ARHGEF38: variants seen among roughly 807,000 people sequenced by gnomAD.
ARHGEF38 encodes Rho guanine nucleotide exchange factor 38.
In ARHGEF38, 79 loss-of-function variants were observed where a neutral mutation model predicts 79.9. The ratio of observed to expected loss-of-function variants is 0.99; its 90% CI spans 0.82 to 1.19. The LOEUF (loss-of-function observed/expected upper bound fraction) is 1.19, where lower values mean the gene tolerates loss of function less well. ARHGEF38 is among the 50% of genes most tolerant of loss of function. The probability of loss-of-function intolerance (pLI) is 0.00; values close to 1 mark genes in which losing one functional copy is unlikely to be tolerated. For missense variants in ARHGEF38, 962 were observed against 907.2 expected, an observed-to-expected ratio of 1.06 and a Z score of -0.78; for synonymous variants, 366 against 328.3, an observed-to-expected ratio of 1.11 and a Z score of -1.24.
intron 1 of ARHGEF38, among the ~76,000 whole-genome samples, chr4:105,559,340 G>A (rs1346706485): frequency 6.6e-6 from 1 of 152,094 alleles, no homozygotes; most frequent in East Asian, 1.9e-4. Context: ...ATGCTCTCAA[G>A]GGCAGACTGT....
chr4:105,621,930 G>A (rs1054837319), intron 3 of ARHGEF38, among the ~76,000 whole-genome samples: 4 of 152,108 alleles, frequency 2.6e-5, no homozygotes, highest in African/African-American at 7.2e-5. Flanking sequence ...TAGGAAAGCT[G>A]TCCGCTTTGG....
chr4:105,581,643 G>A (rs953035330), intron 1 of ARHGEF38, among the ~76,000 whole-genome samples: 3 of 152,026 alleles, frequency 2.0e-5, no homozygotes, highest in South Asian at 2.1e-4. Flanking sequence ...TTTATTTTAA[G>A]ATTCTGTATT....
chr4:105,606,808 C>CA (rs1031902359), intron 2 of ARHGEF38, among the ~76,000 whole-genome samples: 23 of 152,070 alleles, frequency 1.5e-4, no homozygotes, highest in African/African-American at 5.6e-4. Context: ...GATGTACACA[C>CA]AGACACACAG....
chr4:105,648,811 CT>C, intron 7 of ARHGEF38, 129 bp downstream of exon 7: 1 of 827,012 alleles, frequency 1.2e-6, no homozygotes, highest in Non-Finnish European at 1.7e-6. Flanking sequence ...ATGCTGTTCT[CT>C]TGTCTCCCTC....
At chr4:105,581,840 T>C (rs1227911727) in intron 1 of ARHGEF38, among the ~76,000 whole-genome samples, 1 of 152,150 alleles carries the variant, frequency 6.6e-6, no homozygotes, top group Non-Finnish European at 1.5e-5. Context: ...TGGTATCGTG[T>C]TTCCGTGTGT....
intron 7 of ARHGEF38, among the ~76,000 whole-genome samples, chr4:105,650,756 C>T (rs1030457747): frequency 3.4e-4 from 52 of 152,168 alleles, no homozygotes; most frequent in African/African-American, 1.2e-3. Context: ...GAACACAAGG[C>T]TTGAATTATT....
intron 9 of ARHGEF38, 57 bp from the exon 10 acceptor site, chr4:105,658,997 T>C: frequency 1.4e-6 from 2 of 1,420,688 alleles, no homozygotes; most frequent in Non-Finnish European, 1.9e-6. Flanking sequence ...ATAGCAGAAC[T>C]GGACAAGGTA....
rs1362490560 is a variant in ARHGEF38 at position 105,552,747 on chromosome 4, A to G, written c.-19A>G. On this transcript the variant is annotated 5_prime_UTR_variant, in exon 1 of 14. Coordinates refer to ENST00000420470, the MANE Select transcript of ARHGEF38 (RefSeq NM_001242729.2). Reference sequence around the variant, plus strand: ...ATCAGCCATTGCCTGCAAGCCTCCAAAGCTTGTCTTTGCCTAATATGGAGC... The same window carrying G: ...ATCAGCCATTGCCTGCAAGCCTCCAGAGCTTGTCTTTGCCTAATATGGAGC... 1.3e-6 allele frequency: 2 copies of G among 1,593,894 alleles called. No individual in the cohort carries two copies. The highest frequency in any genetic ancestry group is 1.7e-6 in the Non-Finnish European group (2 of 1,171,500).
intron 5 of ARHGEF38, among the ~76,000 whole-genome samples, chr4:105,643,865 C>T (rs937830465): frequency 1.4e-5 from 2 of 147,144 alleles, no homozygotes; most frequent in African/African-American, 2.5e-5. Context: ...TCTAAGATGC[C>T]TTCCTACTTT....
chr4:105,569,996 C>T (rs1726140459), intron 1 of ARHGEF38: 1 of 152,178 alleles, frequency 6.6e-6, no homozygotes, highest in African/African-American at 2.4e-5. Flanking sequence ...CCCTGTCCAG[C>T]AAAATTCCAC....
intron 1 of ARHGEF38, among the ~76,000 whole-genome samples, chr4:105,560,978 C>T (rs1044607030): frequency 6.6e-6 from 1 of 152,152 alleles, no homozygotes; most frequent in South Asian, 2.1e-4. Context: ...AATAAAAACA[C>T]ATCCCCTCCC....
rs779336136 is a variant in ARHGEF38 at position 105,659,176 on chromosome 4, G to A, written c.1356G>A (p.Gln452=). Residue 452 remains glutamine (Q), a synonymous_variant, in exon 10 of 14, where the codon CAG becomes CAA. Coordinates refer to ENST00000420470, the MANE Select transcript of ARHGEF38 (RefSeq NM_001242729.2). The part of the protein sequence containing the change: ...DKLLDCNSYL[Q]RSTGEESDLA... The stretch of plus-strand genomic sequence containing the variant: ...TGCTGGATTGCAACAGCTACCTGCA[G>A]CGATCAACGGGAGAGGAGTCAGACT... The A allele has an allele frequency of 6.5e-7, 1 of 1,536,148 alleles. No homozygotes were observed. The highest frequency in any genetic ancestry group is 1.2e-5 in the South Asian group (1 of 84,064).
chr4:105,600,407 C>G (rs560760868), intron 2 of ARHGEF38, among the ~76,000 whole-genome samples: 1 of 152,106 alleles, frequency 6.6e-6, no homozygotes, highest in African/African-American at 2.4e-5. Context: ...CTTCTGTCTT[C>G]CAGGACTCTA....
intron 13 of ARHGEF38, among the ~76,000 whole-genome samples, chr4:105,677,524 C>T (rs1446102176): frequency 2.0e-5 from 3 of 152,130 alleles, no homozygotes; most frequent in Admixed American, 6.5e-5. Context: ...TGCCTTCAAG[C>T]ATGGACAATT....
chr4:105,629,067 C>A (rs1217806891), intron 3 of ARHGEF38, among the ~76,000 whole-genome samples: 1 of 151,538 alleles, frequency 6.6e-6, no homozygotes, highest in African/African-American at 2.4e-5. Context: ...TAAAAAAAAT[C>A]ATTCTCCGAT....
intron 3 of ARHGEF38, among the ~76,000 whole-genome samples, chr4:105,618,235 A>T (rs1312907628): frequency 6.6e-6 from 1 of 152,212 alleles, no homozygotes; most frequent in African/African-American, 2.4e-5. Context: ...AGTAAAATAA[A>T]TATGCTGATA....
At chr4:105,571,321 C>CTTTT (rs34707064) in intron 1 of ARHGEF38, among the ~76,000 whole-genome samples, 3 of 89,716 alleles carry the variant, frequency 3.3e-5, no homozygotes, top group South Asian at 4.4e-4. Flanking sequence ...TTTTCTTTTT[C>CTTTT]TTTTTTTTTT....
intron 13 of ARHGEF38, among the ~76,000 whole-genome samples, chr4:105,669,030 A>G (rs1181385714): frequency 6.6e-6 from 1 of 152,176 alleles, no homozygotes; most frequent in East Asian, 1.9e-4. Flanking sequence ...TGGGCAACAG[A>G]GGGAGATCCT....
intron 3 of ARHGEF38, among the ~76,000 whole-genome samples, chr4:105,620,297 C>T (rs1165531561): frequency 6.6e-6 from 1 of 152,120 alleles, no homozygotes; most frequent in African/African-American, 2.4e-5. Flanking sequence ...GGTTACATCT[C>T]GTTTTGTCCT....
Sources: allele counts gnomAD v4.1 joint callset (sites outside exome capture counted in the v4.1 genomes callset), GRCh38; gene constraint gnomAD v4.1.1; transcripts MANE v1.5; gene names NCBI Gene and HGNC (gene_info 2026-07-23, HGNC 2026-07-21).